GOLPH3: variants seen among roughly 807,000 people sequenced by gnomAD.
GOLPH3 encodes the protein golgi phosphoprotein 3.
A neutral mutation model predicts 28.5 loss-of-function variants in GOLPH3; 14 were observed. The observed-to-expected ratio is 0.49, with a 90% CI of 0.32 to 0.77. The LOEUF is 0.77. Ranked by LOEUF, GOLPH3 falls within the 30% of genes least tolerant of loss-of-function variation. The pLI is 0.03. For missense variants in GOLPH3, 350 were observed against 393.7 expected, an observed-to-expected ratio of 0.89 and a Z score of 0.94; for synonymous variants, 158 against 159.2, an observed-to-expected ratio of 0.99 and a Z score of 0.06.
chr5:32,128,226 A>C (rs1448216762), intron 3 of GOLPH3, among the ~76,000 whole-genome samples: 2 of 152,220 alleles, frequency 1.3e-5, no homozygotes, highest in Non-Finnish European at 2.9e-5. Flanking sequence ...AGCTGGGAAA[A>C]ATGTGATTGC....
At chr5:32,164,907 T>TC (rs1746675819) in intron 1 of GOLPH3, among the ~76,000 whole-genome samples, 1 of 148,716 alleles carries the variant, frequency 6.7e-6, no homozygotes, top group Non-Finnish European at 1.5e-5. Context: ...ATTCTTTTTT[T>TC]TTTTTTTTTT....
At chr5:32,142,466 G>C (rs1463479652) in intron 2 of GOLPH3, among the ~76,000 whole-genome samples, 3 of 150,482 alleles carry the variant, frequency 2.0e-5, no homozygotes, top group Non-Finnish European at 4.4e-5. Context: ...TCGTCCGGGA[G>C]GGAGGTGGGG....
chr5:32,150,499 T>C (rs1025901881), intron 1 of GOLPH3, among the ~76,000 whole-genome samples: 1 of 150,408 alleles, frequency 6.6e-6, no homozygotes, highest in African/African-American at 2.4e-5. Flanking sequence ...GCTGTCCTAC[T>C]AGATACTAAA....
Position 32,155,324 on chromosome 5 carries a change from T to C in GOLPH3, c.226-11444A>G, listed in dbSNP as rs548168141. On this transcript the variant is annotated intron_variant, in intron 1 of 3. Coordinates refer to ENST00000265070, the MANE Select transcript of GOLPH3 (RefSeq NM_022130.4). ...CCTCAGCCTCCTGAGTAGCTGAGAC[T>C]ATAAGCAGGCACCAGCACACTCGGC... 4.6e-5 allele frequency among the ~76,000 whole-genome samples: 7 copies of C among 152,234 alleles called. No individual in the cohort carries two copies. The East Asian group carries it at 7.7e-4, about 17-fold the overall frequency.
chr5:32,171,219 T>C (rs535096489), intron 1 of GOLPH3, among the ~76,000 whole-genome samples: 1 of 152,176 alleles, frequency 6.6e-6, no homozygotes, highest in Admixed American at 6.5e-5. Context: ...TGGGCCACAC[T>C]GGAAGAACTG....
At chr5:32,126,802 G>T (rs572423741) in intron 3 of GOLPH3, among the ~76,000 whole-genome samples, 166 bp from the exon 4 acceptor site, 9 of 152,258 alleles carry the variant, frequency 5.9e-5, no homozygotes, top group Non-Finnish European at 1.3e-4. Flanking sequence ...AGCCTAGCCA[G>T]ACCTTTGGAT....
chr5:32,172,973 G>A (rs941835942), intron 1 of GOLPH3, among the ~76,000 whole-genome samples: 1 of 152,186 alleles, frequency 6.6e-6, no homozygotes, highest in Admixed American at 6.5e-5. Flanking sequence ...CAACTTTTCT[G>A]TGTGTGAAAA....
chr5:32,128,574 A>G (rs548491301), intron 3 of GOLPH3, among the ~76,000 whole-genome samples: 108 of 152,088 alleles, frequency 7.1e-4, no homozygotes, highest in Non-Finnish European at 1.3e-3. Flanking sequence ...CAGGAGAATC[A>G]TTTAAACCGG....
chr5:32,126,903 T>A (rs1002649361), intron 3 of GOLPH3, among the ~76,000 whole-genome samples: 1 of 152,138 alleles, frequency 6.6e-6, no homozygotes, highest in African/African-American at 2.4e-5. Flanking sequence ...ACCCTTAGTC[T>A]TATGTGGAAA....
chr5:32,173,757 C>T, intron 1 of GOLPH3, 53 bp downstream of exon 1: 2 of 1,260,000 alleles, frequency 1.6e-6, no homozygotes, highest in Non-Finnish European at 2.0e-6. Flanking sequence ...TGGAGCTCAC[C>T]TGGCGCCCGG....
intron 1 of GOLPH3, among the ~76,000 whole-genome samples, chr5:32,164,341 T>C (rs1561684158): frequency 1.3e-5 from 2 of 152,200 alleles, no homozygotes; most frequent in African/African-American, 4.8e-5. Flanking sequence ...TGATGGAATA[T>C]ACATATTTGT....
intron 2 of GOLPH3, among the ~76,000 whole-genome samples, chr5:32,143,350 G>A (rs2111857648): frequency 6.6e-6 from 1 of 151,610 alleles, no homozygotes; most frequent in Middle Eastern, 3.4e-3. Flanking sequence ...GAAAACCAGA[G>A]ACCTTTGTTC....
chr5:32,132,310 T>A (rs1167725883), intron 3 of GOLPH3, among the ~76,000 whole-genome samples: 1 of 152,210 alleles, frequency 6.6e-6, no homozygotes, highest in Non-Finnish European at 1.5e-5. Flanking sequence ...CCCCTGGGTA[T>A]CCTCCACCCC....
rs776168737 is a variant in GOLPH3 at position 32,126,107 on chromosome 5, C to T, written c.*105G>A. 11 of 1,178,496 alleles carry T rather than the reference C, an allele frequency of 9.3e-6. No homozygotes were observed. Among genetic ancestry groups the T allele is most frequent in the Non-Finnish European group, 1.3e-5 (11 of 833,092 alleles). The allele number at this position is 1,178,496 out of a possible 1,614,324, so 73.0% of individuals were successfully genotyped here. On this transcript the variant is annotated 3_prime_UTR_variant, in exon 4 of 4. Coordinates refer to ENST00000265070, the MANE Select transcript of GOLPH3 (RefSeq NM_022130.4). ...CACCCACCATTTTGTAAAACAGAAG[C>T]CAATTATAGTGTGGGAAAGTACAAA...
intron 1 of GOLPH3, among the ~76,000 whole-genome samples, chr5:32,162,795 A>G (rs1014182050): frequency 1.3e-5 from 2 of 151,986 alleles, no homozygotes; most frequent in African/African-American, 2.4e-5. Flanking sequence ...AAGTAGGCCC[A>G]TGGCCGGGCG....
At chr5:32,142,906 A>G (rs1334823799) in intron 2 of GOLPH3, among the ~76,000 whole-genome samples, 4 of 150,790 alleles carry the variant, frequency 2.7e-5, no homozygotes, top group African/African-American at 9.8e-5. Flanking sequence ...CCTACTGGGA[A>G]GTGAGGAGCC....
Position 32,135,671 on chromosome 5 carries a change from C to T in GOLPH3, c.373G>A (p.Asp125Asn). Residue 125 changes from aspartate (D) to asparagine (N), a missense_variant, in exon 3 of 4, where the codon GAT (aspartate) becomes AAT (asparagine). Transcript: ENST00000265070. Reference protein sequence around the residue: ...LLTRKVICKSDAPTGDVLLDE... With the variant: ...LLTRKVICKSNAPTGDVLLDE... Reference sequence around the variant, plus strand: ...AGAAGAACATCCCCTGTTGGAGCATCTGACTTACAGATTACCTAAAAAGAA... The same window carrying T: ...AGAAGAACATCCCCTGTTGGAGCATTTGACTTACAGATTACCTAAAAAGAA... The T allele has an allele frequency of 1.2e-6, 2 of 1,610,594 alleles. No homozygotes were observed. The highest frequency in any genetic ancestry group is 1.6e-4 in the Middle Eastern group (1 of 6,062).
At chr5:32,167,919 A>G (rs958017526) in intron 1 of GOLPH3, among the ~76,000 whole-genome samples, 1 of 152,072 alleles carries the variant, frequency 6.6e-6, no homozygotes. Context: ...ACACCACCAC[A>G]CTCCAGTCTG....
chr5:32,126,439 T>C lies in GOLPH3; in HGVS notation c.670A>G (p.Lys224Glu). 6.2e-7 allele frequency: 1 copy of C among 1,614,222 alleles called. No individual in the cohort carries two copies. Among genetic ancestry groups the C allele is most frequent in the Non-Finnish European group, 8.5e-7 (1 of 1,180,044 alleles). ...IKKVQEAVLD[K>E]WVNDPHRMDR... ...ATGCGGTGAGGGTCATTCACCCATT[T>C]GTCAAGAACGGCTTCCTGTACTTTC... Residue 224 changes from lysine (K) to glutamate (E), a missense_variant, in exon 4 of 4, where the codon AAA (lysine) becomes GAA (glutamate). Transcript: ENST00000265070.
Sources: gnomAD v4.1 joint callset for allele counts (sites outside exome capture counted in the v4.1 genomes callset) on GRCh38, gnomAD v4.1.1 for gene constraint, MANE v1.5 for transcripts, NCBI Gene and HGNC (gene_info 2026-07-23, HGNC 2026-07-21) for gene names.